PHC1: variants seen among roughly 807,000 people sequenced by gnomAD.
PHC1 encodes polyhomeotic-like protein 1.
A neutral mutation model predicts 104.3 loss-of-function variants in PHC1; 12 were observed. The ratio of observed to expected loss-of-function variants is 0.12; its 90% CI spans 0.07 to 0.19. The LOEUF (loss-of-function observed/expected upper bound fraction) is 0.19. Ranked by LOEUF, PHC1 falls within the 10% of genes least tolerant of loss-of-function variation. The pLI is 1.00. For missense variants in PHC1, 671 were observed against 1,200.0 expected (o/e 0.56, Z 6.51); for synonymous variants, 302 against 455.8 (o/e 0.66, Z 4.30).
intron 3 of PHC1, among the ~76,000 whole-genome samples, chr12:8,920,153 T>C (rs1011150401): frequency 6.6e-5 from 10 of 152,200 alleles, no homozygotes; most frequent in Non-Finnish European, 1.5e-4. Flanking sequence ...GTGGCTAGTC[T>C]AAATGGAGAC....
intron 6 of PHC1, among the ~76,000 whole-genome samples, chr12:8,927,870 TTTC>T (rs1342553359): frequency 3.1e-5 from 3 of 95,990 alleles, no homozygotes; most frequent in African/African-American, 1.5e-4. Context: ...TCTTTCTTTC[TTTC>T]TTTCTTTCTT....
chr12:8,921,101 C>T (rs1367891696), intron 4 of PHC1, 36 bp downstream of exon 4: 7 of 1,489,954 alleles, frequency 4.7e-6, no homozygotes, highest in Non-Finnish European at 6.5e-6. Flanking sequence ...GGCTTCTCTA[C>T]CTGGGTCTTT....
intron 11 of PHC1, among the ~76,000 whole-genome samples, chr12:8,936,354 C>T (rs1027635854): frequency 3.3e-5 from 5 of 152,288 alleles, no homozygotes; most frequent in South Asian, 4.1e-4. Flanking sequence ...GGCACTCCAG[C>T]CCGGGTGACA....
In PHC1 at chr12:8,938,015, C is replaced by T. The variant is rs1164456287; in HGVS notation, c.2815C>T (p.Arg939Cys). 11 of 1,608,196 alleles carry T rather than the reference C, an allele frequency of 6.8e-6. 1 individual carries two copies. The Middle Eastern group carries it at 4.9e-4, about 72-fold the overall frequency. ...TGTGTTCCTGTCCAGTAATCCCAGC[C>T]GTTGGAGTGTAGAGGAGGTGTACGA... ...NPVFLSSNPS[R>C]WSVEEVYEFI... Residue 939 changes from arginine (R) to cysteine (C), a missense_variant, in exon 14 of 15, where the codon CGT becomes TGT. Physicochemically the swap from Arg to Cys is radical, Grantham distance 180. Coordinates refer to ENST00000544916, the MANE Select transcript of PHC1 (RefSeq NM_004426.3).
In PHC1 at chr12:8,930,803, C is replaced by T. The variant is rs200453120; in HGVS notation, c.981C>T (p.Ser327=). Residue 327 remains serine, a synonymous_variant, in exon 7 of 15, where the codon AGC becomes AGT. Coordinates refer to ENST00000544916, the MANE Select transcript of PHC1 (RefSeq NM_004426.3). ...AAACAGTGACTGTGAGCCAGGGCAGCCAGACAGAGGCAGAAAGTGCAGCAG... is the reference window on the plus strand; with the variant it reads ...AAACAGTGACTGTGAGCCAGGGCAGTCAGACAGAGGCAGAAAGTGCAGCAG... ...AAQTVTVSQG[S]QTEAESAAAK... 7.9e-6 allele frequency: 12 copies of T among 1,526,202 alleles called. No individual in the cohort carries two copies. The highest frequency in any genetic ancestry group is 1.9e-5 in the Admixed American group (1 of 53,482). 94.5% of individuals were successfully genotyped at this position (1,526,202 alleles called of 1,614,324 possible).
At chr12:8,938,360 A>T (rs1003919919) in intron 14 of PHC1, among the ~76,000 whole-genome samples, 14 of 149,792 alleles carry the variant, frequency 9.3e-5, no homozygotes, top group Middle Eastern at 3.5e-3. Context: ...TGGGGAAAAA[A>T]TTTTTTTTTT....
chr12:8,920,123 C>T (rs761293216), intron 3 of PHC1, among the ~76,000 whole-genome samples: 20 of 152,232 alleles, frequency 1.3e-4, no homozygotes, highest in African/African-American at 3.6e-4. Context: ...AGCCACATAT[C>T]GCTATTGAGT....
Position 8,941,155 on chromosome 12 carries a change from TAC to T in PHC1, c.*1698_*1699del, listed in dbSNP as rs1945997661. 6.7e-6 allele frequency: 1 copy of T among 148,176 alleles called. No individual in the cohort carries two copies. The highest frequency in any genetic ancestry group is 6.7e-5 in the Admixed American group (1 of 14,900). 9.2% of individuals were successfully genotyped at this position (148,176 alleles called of 1,614,324 possible). A position where few individuals can be genotyped will look rare whatever the true frequency, so the allele number is the denominator to read the frequency against. On this transcript the variant is annotated 3_prime_UTR_variant, in exon 15 of 15. Coordinates refer to ENST00000544916, the MANE Select transcript of PHC1 (RefSeq NM_004426.3). ...ACAGTCCTTAGCCCAATCCCAGCTA[TAC>T]AGTCACCCCAATTTCCACAAATGAT...
At chr12:8,921,874 C>A in intron 5 of PHC1, 124 bp downstream of exon 5, 1 of 890,554 alleles carries the variant, frequency 1.1e-6, no homozygotes, top group Non-Finnish European at 1.7e-6. Context: ...AGTGCAGTGG[C>A]ACAATAATGG....
At chr12:8,918,435 G>A (rs1344738661) in intron 2 of PHC1, among the ~76,000 whole-genome samples, 2 of 152,022 alleles carry the variant, frequency 1.3e-5, no homozygotes, top group Non-Finnish European at 2.9e-5. Context: ...CAACCCATTA[G>A]GGCTGTATTA....
At chr12:8,918,514 G>A (rs866264576) in intron 2 of PHC1, among the ~76,000 whole-genome samples, 1 of 151,388 alleles carries the variant, frequency 6.6e-6, no homozygotes, top group South Asian at 2.1e-4. Context: ...GTCTAGCTCT[G>A]TTGCCCTGGC....
chr12:8,920,352 T>G (rs1049796307), intron 3 of PHC1, among the ~76,000 whole-genome samples: 1 of 152,246 alleles, frequency 6.6e-6, no homozygotes, highest in Non-Finnish European at 1.5e-5. Context: ...TGGTTCATAT[T>G]ATATTTATAT....
chr12:8,918,454 G>A (rs1945262187), intron 2 of PHC1, among the ~76,000 whole-genome samples: 1 of 151,950 alleles, frequency 6.6e-6, no homozygotes, highest in Admixed American at 6.6e-5. Flanking sequence ...TACCTTTACT[G>A]TATACCTAAA....
intron 11 of PHC1, among the ~76,000 whole-genome samples, chr12:8,935,554 A>T (rs917785001): frequency 6.6e-6 from 1 of 151,906 alleles, no homozygotes; most frequent in African/African-American, 2.4e-5. Flanking sequence ...TGAACCTGGG[A>T]GGCGGAGGTT....
chr12:8,922,764 T>A lies in PHC1; in HGVS notation c.588T>A (p.Pro196=), dbSNP rs1592192679. 5.0e-6 allele frequency: 8 copies of A among 1,612,854 alleles called. No homozygotes were observed. The highest frequency in any genetic ancestry group is 5.1e-6 in the Non-Finnish European group (6 of 1,179,568). Residue 196 remains proline, a synonymous_variant, in exon 6 of 15, where the codon CCT becomes CCA. Transcript: ENST00000544916. The part of the protein sequence containing the change: ...VQQEVPSAQS[P]GVHADADQVQ... The stretch of plus-strand genomic sequence containing the variant: ...AGGAGGTGCCATCTGCTCAGTCTCC[T>A]GGAGTTCATGCAGATGCAGATCAGG...
In PHC1 at chr12:8,921,670, A is replaced by G. The variant is rs757795004; in HGVS notation, c.376A>G (p.Thr126Ala). 3 of 1,613,006 alleles carry G rather than the reference A, an allele frequency of 1.9e-6. No homozygotes were observed. The highest frequency in any genetic ancestry group is 3.3e-5 in the Admixed American group (2 of 59,948). Residue 126 changes from threonine to alanine, a missense_variant, in exon 5 of 15, where the codon ACC becomes GCC. Thr to Ala is a moderately conservative substitution (Grantham distance 58). Coordinates refer to ENST00000544916, the MANE Select transcript of PHC1 (RefSeq NM_004426.3). ...CCAGAGTGTGAGCTCTCCCAGTGCT[A>G]CCACCTTGACCCAATCTGTGCTACT... ...RSQSVSSPSA[T>A]TLTQSVLLGN...
At chr12:8,922,834 A>G in intron 6 of PHC1, 46 bp downstream of exon 6, 1 of 1,571,830 alleles carries the variant, frequency 6.4e-7, no homozygotes, top group South Asian at 1.1e-5. Context: ...GGGCAGGATG[A>G]AGGGAATGAC....
chr12:8,926,915 T>TA (rs964710427), intron 6 of PHC1, among the ~76,000 whole-genome samples: 35 of 136,636 alleles, frequency 2.6e-4, no homozygotes, highest in African/African-American at 2.7e-4. Context: ...AACTCCATCT[T>TA]AAAAAAAAAA....
intron 10 of PHC1, 114 bp downstream of exon 10, chr12:8,934,592 A>G (rs766868634): frequency 4.9e-5 from 33 of 667,346 alleles, no homozygotes; most frequent in Non-Finnish European, 7.9e-5. Flanking sequence ...AGAATGGTTC[A>G]ATTACGCTAT....
Sources: allele counts gnomAD v4.1 joint callset (sites outside exome capture counted in the v4.1 genomes callset), GRCh38; gene constraint gnomAD v4.1.1; transcripts MANE v1.5; gene names NCBI Gene and HGNC (gene_info 2026-07-23, HGNC 2026-07-21).